The following ADD2 variants were observed in gnomAD, a reference collection of about 807,000 sequenced individuals.
The protein encoded by ADD2 is beta-adducin.
ADD2 carries 23 observed loss-of-function variants against 83.0 expected under a neutral mutation model. The ratio of observed to expected loss-of-function variants is 0.28; its 90% confidence interval spans 0.20 to 0.39. ADD2 has a LOEUF of 0.39. Ranked by LOEUF, ADD2 falls within the 10% of genes least tolerant of loss-of-function variation. The pLI, the probability that ADD2 is intolerant of heterozygous loss-of-function variation, is 1.00. For synonymous variants in ADD2, 375 were observed against 375.4 expected (o/e 1.00, Z 0.01); for missense variants, 758 against 944.9 (o/e 0.80, Z 2.59).
intron 1 of ADD2, among the ~76,000 whole-genome samples, chr2:70,755,058 C>A (rs1157277436): frequency 6.6e-6 from 1 of 152,188 alleles, no homozygotes; most frequent in Non-Finnish European, 1.5e-5. Context: ...TGTGACCTTG[C>A]CCCTGCCTGC....
At chr2:70,692,366 C>A (rs372110209) in intron 7 of ADD2, 37 bp downstream of exon 7, 1 of 1,501,070 alleles carries the variant, frequency 6.7e-7, no homozygotes, top group African/African-American at 1.4e-5. Context: ...GGCAGCCTTA[C>A]GTCTTTCCTT....
chr2:70,685,158 C>T (rs1294266728), intron 9 of ADD2, among the ~76,000 whole-genome samples: 1 of 152,122 alleles, frequency 6.6e-6, no homozygotes, highest in Admixed American at 6.5e-5. Flanking sequence ...TGGGAAACTG[C>T]TTTAATTATG....
Position 70,672,895 on chromosome 2 carries a change from GGA to G in ADD2, c.1851_1852del (p.Pro618PhefsTer9). The G allele has an allele frequency of 6.2e-7, 1 of 1,612,782 alleles. No homozygotes were observed. Among genetic ancestry groups the G allele is most frequent in the Non-Finnish European group, 8.5e-7 (1 of 1,179,570 alleles). On this transcript the variant is annotated frameshift_variant, in exon 15 of 16. Coordinates refer to ENST00000264436, the MANE Select transcript of ADD2 (RefSeq NM_001617.4). LOFTEE classifies it high-confidence loss of function. ...GGACTCACCCTCTAAAGACTTGGAA[GGA>G]GAGACTAAAGGGCTCTTTGTCTCTG...
At position 70,662,276 on chromosome 2, in the gene ADD2, G is replaced by A. The variant is rs1289218014; in HGVS notation, c.*1149C>T. The A allele has an allele frequency of 6.6e-6, 1 of 152,210 alleles. No homozygotes were observed. The highest frequency in any genetic ancestry group is 2.4e-5 in the African/African-American group (1 of 41,452). 9.4% of individuals were successfully genotyped at this position (152,210 alleles called of 1,614,324 possible). A position where few individuals can be genotyped will look rare whatever the true frequency, so the allele number is the denominator to read the frequency against. On this transcript the variant is annotated 3_prime_UTR_variant, in exon 16 of 16. Coordinates refer to ENST00000264436, the MANE Select transcript of ADD2 (RefSeq NM_001617.4). ...CCCCAGGATGGACAGATAGGGACAA[G>A]GACAGGGATACCCAGCATTTCTCTG...
intron 1 of ADD2, among the ~76,000 whole-genome samples, chr2:70,757,038 G>A (rs1294451904): frequency 6.6e-6 from 1 of 152,148 alleles, no homozygotes; most frequent in African/African-American, 2.4e-5. Context: ...AAGTTGGTCA[G>A]GCTGATCTTG....
At chr2:70,692,644 C>G in intron 6 of ADD2, 92 bp from the exon 7 acceptor site, 6 of 1,346,470 alleles carry the variant, frequency 4.5e-6, no homozygotes, top group Non-Finnish European at 5.0e-6. Flanking sequence ...GTGCCGCCCA[C>G]CTGTCTTCAC....
intron 15 of ADD2, among the ~76,000 whole-genome samples, chr2:70,665,512 G>A (rs1675750646): frequency 6.6e-6 from 1 of 152,098 alleles, no homozygotes; most frequent in South Asian, 2.1e-4. Flanking sequence ...CATAAACCAG[G>A]CTGGACACAA....
In ADD2 at chr2:70,706,366, G is replaced by C. The variant is rs566139882; in HGVS notation, c.43C>G (p.Pro15Ala). 9 of 1,612,240 alleles carry C rather than the reference G, an allele frequency of 5.6e-6. No individual in the cohort carries two copies. The South Asian group carries it at 8.8e-5, about 16-fold the overall frequency. Residue 15 changes from proline to alanine, a missense_variant, in exon 3 of 16, where the codon CCG (proline) becomes GCG (alanine). Pro to Ala is a conservative substitution (Grantham distance 27, BLOSUM62 -1). Around this residue, in one of 5 missense-constraint regions of ADD2, gnomAD observed 175 missense variants for 192.1 expected, o/e 0.91. Coordinates refer to ENST00000264436, the MANE Select transcript of ADD2 (RefSeq NM_001617.4). The surrounding 1 kb of genome is among the most constrained non-coding windows in gnomAD (Gnocchi z 5.0). ...CGGTCAAAGTAAGGCTGCCCCTGCGGGGGCGGCGGCGAGGCAGCCTCGGGG... is the reference window on the plus strand; with the variant it reads ...CGGTCAAAGTAAGGCTGCCCCTGCGCGGGCGGCGGCGAGGCAGCCTCGGGG... ...TVPEAASPPP[P>A]QGQPYFDRFS...
intron 4 of ADD2, among the ~76,000 whole-genome samples, chr2:70,698,469 CACAG>C (rs1346257373): frequency 2.0e-5 from 3 of 152,196 alleles, no homozygotes; most frequent in African/African-American, 4.8e-5. Context: ...AGTACAAAAA[CACAG>C]ACAGACCGAA....
At chr2:70,752,163 C>G (rs1674538006) in intron 1 of ADD2, among the ~76,000 whole-genome samples, 1 of 152,088 alleles carries the variant, frequency 6.6e-6, no homozygotes, top group Admixed American at 6.6e-5. Flanking sequence ...CACAGAAACC[C>G]TAATTCTCTA....
intron 10 of ADD2, among the ~76,000 whole-genome samples, chr2:70,680,738 T>A (rs1399573477): frequency 6.6e-6 from 1 of 152,242 alleles, no homozygotes; most frequent in Admixed American, 6.5e-5. Flanking sequence ...ATGATTGTGA[T>A]CCATTTGCAA....
chr2:70,737,137 C>T (rs1270445252), intron 1 of ADD2, among the ~76,000 whole-genome samples: 1 of 152,078 alleles, frequency 6.6e-6, no homozygotes, highest in Non-Finnish European at 1.5e-5. Flanking sequence ...GGACTGTAAA[C>T]TAGTTCAACC....
intron 10 of ADD2, among the ~76,000 whole-genome samples, chr2:70,679,339 C>T (rs528387151): frequency 6.6e-6 from 1 of 152,324 alleles, no homozygotes; most frequent in South Asian, 2.1e-4. Context: ...GATGCCTGGG[C>T]CCTGATGCAG....
chr2:70,727,661 G>C (rs1265693222), intron 1 of ADD2, among the ~76,000 whole-genome samples: 2 of 152,104 alleles, frequency 1.3e-5, no homozygotes, highest in Non-Finnish European at 2.9e-5. Context: ...TTAGGAGGCT[G>C]AGGTGGGCAG....
rs1671578989 is a variant in ADD2 at position 70,701,514 on chromosome 2, A to T, written c.322+2807T>A. Among the ~76,000 whole-genome samples, 3 of 152,176 alleles carry T rather than the reference A, an allele frequency of 2.0e-5. No homozygotes were observed. In the South Asian group the frequency reaches 6.2e-4, roughly 31 times the overall value. ...TGTTCTGAAAGTTCTAACAGATGCA[A>T]TGAGAAAACTGGAAAAATAAACCAA... On this transcript the variant is annotated intron_variant, in intron 4 of 15. Coordinates refer to ENST00000264436, the MANE Select transcript of ADD2 (RefSeq NM_001617.4).
At chr2:70,760,279 T>A (rs143620405) in intron 1 of ADD2, among the ~76,000 whole-genome samples, 15 of 152,240 alleles carry the variant, frequency 9.9e-5, no homozygotes, top group African/African-American at 3.6e-4. Context: ...CATGCATACG[T>A]CTGCCTCTCT....
chr2:70,698,090 A>T (rs1161383709), intron 4 of ADD2, among the ~76,000 whole-genome samples: 2 of 152,336 alleles, frequency 1.3e-5, no homozygotes, highest in African/African-American at 4.8e-5. Context: ...TCTCTGCTTC[A>T]TGCCTAGCAG....
At chr2:70,710,678 C>A (rs1167432017) in intron 2 of ADD2, among the ~76,000 whole-genome samples, 1 of 152,240 alleles carries the variant, frequency 6.6e-6, no homozygotes, top group African/African-American at 2.4e-5. Flanking sequence ...ACAAGACTAC[C>A]TGGGTTCAAA....
intron 3 of ADD2, among the ~76,000 whole-genome samples, chr2:70,705,565 T>C (rs1246436499): frequency 6.6e-6 from 1 of 152,210 alleles, no homozygotes; most frequent in African/African-American, 2.4e-5. Flanking sequence ...CCCTCTGCCT[T>C]CAGTGGTCCA....
Sources: gnomAD v4.1 joint callset for allele counts (sites outside exome capture counted in the v4.1 genomes callset) on GRCh38, gnomAD v4.1.1 for gene constraint, gnomAD v4.1.1 regional missense constraint, Gnocchi (gnomAD v3.1) non-coding constraint, MANE v1.5 for transcripts, NCBI Gene and HGNC (gene_info 2026-07-23, HGNC 2026-07-21) for gene names.